The following BCAS3 variants were observed in gnomAD, a reference collection of about 807,000 sequenced individuals.
BCAS3 encodes BCAS4/BCAS3 fusion.
In BCAS3, 53 loss-of-function variants were observed where a neutral mutation model predicts 116.1. That is an observed-to-expected ratio of 0.46 (90% CI 0.37 to 0.57). BCAS3 has a LOEUF of 0.57. Ranked by LOEUF, BCAS3 falls within the 20% of genes least tolerant of loss-of-function variation. BCAS3 has a pLI of 0.00. For missense variants in BCAS3, 917 were observed against 1,165.4 expected (o/e 0.79, Z 3.10); for synonymous variants, 391 against 408.2 (o/e 0.96, Z 0.51).
At chr17:60,918,559 C>T (rs1462880662) in intron 12 of BCAS3, among the ~76,000 whole-genome samples, 1 of 152,020 alleles carries the variant, frequency 6.6e-6, no homozygotes, top group Non-Finnish European at 1.5e-5. Flanking sequence ...TACATTTGTA[C>T]CCAACCTGTC....
In BCAS3 at chr17:61,215,257, G is replaced by T. The variant is rs1270472977; in HGVS notation, c.2425+130693G>T. ...TTCATTTGTTAAAGAAAATATTTCA[G>T]AGTCACTAGCAAAAGAAAACTACTT... On this transcript the variant is annotated intron_variant, in intron 22 of 23. Coordinates refer to ENST00000407086, the MANE Select transcript of BCAS3 (RefSeq NM_017679.5). The surrounding 1 kb of genome is among the most constrained non-coding windows in gnomAD (Gnocchi z 4.8). Among the ~76,000 whole-genome samples, 1 of 152,176 alleles carries T rather than the reference G, an allele frequency of 6.6e-6. No homozygotes were observed. Among genetic ancestry groups the T allele is most frequent in the Non-Finnish European group, 1.5e-5 (1 of 68,030 alleles).
intron 10 of BCAS3, among the ~76,000 whole-genome samples, chr17:60,890,511 A>C (rs564323069): frequency 6.6e-6 from 1 of 152,176 alleles, no homozygotes; most frequent in Non-Finnish European, 1.5e-5. Context: ...TAACAACTAT[A>C]TCTAAATAAG....
intron 22 of BCAS3, among the ~76,000 whole-genome samples, chr17:61,314,804 C>T (rs1481799863): frequency 6.6e-6 from 1 of 152,220 alleles, no homozygotes; most frequent in Admixed American, 6.5e-5. Flanking sequence ...TTGCCTAAAA[C>T]AGCTGGCTTG....
At chr17:61,092,923 T>TG (rs2073710659) in intron 22 of BCAS3, among the ~76,000 whole-genome samples, 2 of 141,798 alleles carry the variant, frequency 1.4e-5, no homozygotes, top group East Asian at 2.1e-4. Context: ...TTTTTTTTTT[T>TG]GAGACAGAGT....
In BCAS3 at chr17:61,235,277, A is replaced by G. The variant is rs114361416; in HGVS notation, c.2426-133050A>G. On this transcript the variant is annotated intron_variant, in intron 22 of 23. Transcript: ENST00000407086. This position sits in a 1 kb window ranked among gnomAD's most constrained non-coding sequence, Gnocchi z 5.0. ...GGCCAGGTGAAGGCTGAAGGACCGGATAAGTGTAGTTTCCAGAATCCTTCT... is the reference window on the plus strand; with the variant it reads ...GGCCAGGTGAAGGCTGAAGGACCGGGTAAGTGTAGTTTCCAGAATCCTTCT... Among the ~76,000 whole-genome samples, 77 of 152,312 alleles carry G rather than the reference A, an allele frequency of 5.1e-4. No individual in the cohort carries two copies. Among genetic ancestry groups the G allele is most frequent in the African/African-American group, 1.8e-3 (74 of 41,576 alleles).
rs554074294 is a variant in BCAS3 at position 61,076,838 on chromosome 17, C to T, written c.2131-1495C>T. Among the ~76,000 whole-genome samples the T allele has an allele frequency of 2.0e-5, 3 of 152,286 alleles. No homozygotes were observed. In the South Asian group the frequency reaches 6.2e-4, roughly 32 times the overall value. The stretch of plus-strand genomic sequence containing the variant: ...TACTTGAATCAGAAATCACTGTCCT[C>T]AATCTGAGCATTTTTCTCCCTGTGA... On this transcript the variant is annotated intron_variant, in intron 20 of 23. Coordinates refer to ENST00000407086, the MANE Select transcript of BCAS3 (RefSeq NM_017679.5).
rs528896138 is a variant in BCAS3 at position 60,832,850 on chromosome 17, C to G, written c.476+24774C>G. ...TGAGACTAGAACCTAAAAGACATTTCTCTAATCTTTGTGAAAGTTAATATC... is the reference window on the plus strand; with the variant it reads ...TGAGACTAGAACCTAAAAGACATTTGTCTAATCTTTGTGAAAGTTAATATC... On this transcript the variant is annotated intron_variant, in intron 7 of 23. Coordinates refer to ENST00000407086, the MANE Select transcript of BCAS3 (RefSeq NM_017679.5). Among the ~76,000 whole-genome samples the G allele has an allele frequency of 2.6e-5, 4 of 152,242 alleles. No individual in the cohort carries two copies. The South Asian group carries it at 8.3e-4, about 32-fold the overall frequency.
intron 22 of BCAS3, among the ~76,000 whole-genome samples, chr17:61,290,747 A>C (rs2052306763): frequency 6.6e-6 from 1 of 152,132 alleles, no homozygotes; most frequent in African/African-American, 2.4e-5. Context: ...AAGCCTTGAA[A>C]ATCTTGGGAG....
chr17:60,900,161 T>C (rs1310853324), intron 10 of BCAS3: 4 of 144,272 alleles, frequency 2.8e-5, no homozygotes, highest in African/African-American at 1.1e-4. Flanking sequence ...CTCCAGCCTG[T>C]GCAACATAGT....
intron 19 of BCAS3, among the ~76,000 whole-genome samples, chr17:61,045,910 TA>T: frequency 3.2e-5 from 1 of 31,068 alleles, no homozygotes; most frequent in Non-Finnish European, 4.4e-5. Flanking sequence ...TATAAATATA[TA>T]TTTATATATA....
At chr17:60,719,988 A>G (rs985898970) in intron 5 of BCAS3, among the ~76,000 whole-genome samples, 4 of 152,224 alleles carry the variant, frequency 2.6e-5, no homozygotes, top group African/African-American at 9.6e-5. Context: ...TATTAGACTT[A>G]CACTATGTTA....
chr17:60,963,036 G>A (rs1443862044), intron 14 of BCAS3, among the ~76,000 whole-genome samples: 1 of 152,146 alleles, frequency 6.6e-6, no homozygotes, highest in African/African-American at 2.4e-5. Flanking sequence ...TGTCAAAGAC[G>A]AATTGACTGT....
At chr17:61,045,525 A>G (rs2067969246) in intron 19 of BCAS3, among the ~76,000 whole-genome samples, 1 of 150,722 alleles carries the variant, frequency 6.6e-6, no homozygotes, top group South Asian at 2.1e-4. Context: ...GAAAGAAAAA[A>G]AAAAAAAGGC....
At position 61,128,076 on chromosome 17, in the gene BCAS3, G is replaced by A; in HGVS notation, c.2425+43512G>A. 2.1e-6 allele frequency: 1 copy of A among 487,120 alleles called. No individual in the cohort carries two copies. Among genetic ancestry groups the A allele is most frequent in the Non-Finnish European group, 2.7e-6 (1 of 374,956 alleles). The allele number at this position is 487,120 out of a possible 1,614,324, so 30.2% of individuals were successfully genotyped here. On this transcript the variant is annotated intron_variant, in intron 22 of 23. Transcript: ENST00000407086. The surrounding 1 kb of genome is among the most constrained non-coding windows in gnomAD (Gnocchi z 4.1). ...CTCAGAAAATGTGATTAAGGAGTTT[G>A]AATGTAATTACCCAAAGTTTGGCTT...
chr17:60,921,583 A>G (rs1000263305), intron 12 of BCAS3, among the ~76,000 whole-genome samples: 13 of 146,526 alleles, frequency 8.9e-5, no homozygotes, highest in Admixed American at 6.9e-4. Flanking sequence ...ACTGCACTCC[A>G]GCCTGGGCGA....
intron 22 of BCAS3, among the ~76,000 whole-genome samples, chr17:61,085,240 T>C (rs1335534691): frequency 6.6e-6 from 1 of 152,202 alleles, no homozygotes; most frequent in African/African-American, 2.4e-5. Flanking sequence ...ATAAGGACAG[T>C]GATGCCTTGC....
chr17:60,735,628 G>GT (rs2040877946), intron 5 of BCAS3, among the ~76,000 whole-genome samples: 1 of 151,666 alleles, frequency 6.6e-6, no homozygotes, highest in Non-Finnish European at 1.5e-5. Flanking sequence ...TAATTTTTGT[G>GT]TTTTTTATAG....
At chr17:60,920,905 A>ACAACAACAACAACAG (rs2059046946) in intron 12 of BCAS3, among the ~76,000 whole-genome samples, 1 of 120,880 alleles carries the variant, frequency 8.3e-6, no homozygotes, top group African/African-American at 3.8e-5. Flanking sequence ...AACAACAACA[A>ACAACAACAACAACAG]CAACAACAAC....
chr17:60,719,353 A>G (rs1205754310), intron 5 of BCAS3, among the ~76,000 whole-genome samples: 4 of 152,354 alleles, frequency 2.6e-5, no homozygotes, highest in African/African-American at 9.6e-5. Flanking sequence ...ACATATGTAT[A>G]TAGTTTACAG....
Sources: allele counts gnomAD v4.1 joint callset (sites outside exome capture counted in the v4.1 genomes callset), GRCh38; gene constraint gnomAD v4.1.1; non-coding constraint Gnocchi (gnomAD v3.1); transcripts MANE v1.5; gene names NCBI Gene and HGNC (gene_info 2026-07-23, HGNC 2026-07-21).